Variants in MYH10 observed in about 807,000 individuals in gnomAD.
MYH10 encodes the protein myosin heavy chain 10, also known as myosin-10.
Under a neutral mutation model 257.8 loss-of-function variants are expected in MYH10, and 55 were observed. The observed-to-expected ratio is 0.21, with a 90% CI of 0.17 to 0.27. The LOEUF is 0.27. Ranked by LOEUF, MYH10 falls within the 10% of genes least tolerant of loss-of-function variation. MYH10 has a pLI of 1.00. For synonymous variants in MYH10, 854 were observed against 921.7 expected (o/e 0.93, Z 1.33); for missense variants, 1,631 against 2,500.6 (o/e 0.65, Z 7.42).
At chr17:8,594,936 G>A (rs1209745657) in intron 3 of MYH10, among the ~76,000 whole-genome samples, 1 of 152,192 alleles carries the variant, frequency 6.6e-6, no homozygotes, top group African/African-American at 2.4e-5. Context: ...ATCCACAGTT[G>A]GTTGAATCTG....
Position 8,569,121 on chromosome 17 carries a change from C to A in MYH10, c.756+599G>T, listed in dbSNP as rs1433142751. ...CCTGTAGTCCCGGCTCCTTGGGAGA[C>A]TGAGGAAGGAGGATGCCTTGAGACC... is the stretch of plus-strand genomic sequence containing the variant. On this transcript the variant is annotated intron_variant, in intron 7 of 42. Coordinates refer to ENST00000360416, the MANE Select transcript of MYH10 (RefSeq NM_001256012.3). This position sits in a 1 kb window ranked among gnomAD's most constrained non-coding sequence, Gnocchi z 4.1. Among the ~76,000 whole-genome samples the A allele has an allele frequency of 6.6e-6, 1 of 151,528 alleles. No homozygotes were observed. Among genetic ancestry groups the A allele is most frequent in the East Asian group, 2.0e-4 (1 of 5,116 alleles).
chr17:8,574,224 T>G (rs1373676016), intron 6 of MYH10, among the ~76,000 whole-genome samples: 1 of 152,242 alleles, frequency 6.6e-6, no homozygotes, highest in Non-Finnish European at 1.5e-5. Flanking sequence ...AGTACTTATA[T>G]GTGCTAGAAT....
chr17:8,612,331 T>C (rs1215155431), intron 2 of MYH10, among the ~76,000 whole-genome samples: 2 of 152,194 alleles, frequency 1.3e-5, no homozygotes, highest in African/African-American at 4.8e-5. Flanking sequence ...TAAAATCATA[T>C]GCTGAGGCTG....
chr17:8,586,857 G>A (rs1051326775), intron 4 of MYH10, among the ~76,000 whole-genome samples: 11 of 152,154 alleles, frequency 7.2e-5, no homozygotes, highest in African/African-American at 2.7e-4. Flanking sequence ...GAAGGTACAA[G>A]TCTCCACCTG....
rs1440660628 is a variant in MYH10, at chr17:8,480,414, C to G, written c.5376G>C (p.Lys1792Asn). ...CTGCATGGGCCACCTGTAGAGTGGT[C>G]TTGCGGAAGCGGTCGTTGAGCAGCT... is the stretch of plus-strand genomic sequence containing the variant. Reference protein sequence around the residue: ...NMELLNDRFRKTTLQVDTLNA... With the variant: ...NMELLNDRFRNTTLQVDTLNA... Residue 1792 changes from lysine to asparagine, a missense_variant, in exon 39 of 43, where the codon AAG (lysine) becomes AAC (asparagine). Coordinates refer to ENST00000360416, the MANE Select transcript of MYH10 (RefSeq NM_001256012.3). 6.2e-7 allele frequency: 1 copy of G among 1,613,458 alleles called. No individual in the cohort carries two copies. Among genetic ancestry groups the G allele is most frequent in the Non-Finnish European group, 8.5e-7 (1 of 1,180,010 alleles).
In MYH10 at chr17:8,478,466, AGTT is replaced by A. The variant is rs766317152; in HGVS notation, c.5598-23_5598-21del. The A allele has an allele frequency of 3.0e-5, 49 of 1,606,822 alleles. No homozygotes were observed. The highest frequency in any genetic ancestry group is 4.0e-5 in the African/African-American group (3 of 74,716). On this transcript the variant is annotated intron_variant, in intron 40 of 42. Coordinates refer to ENST00000360416, the MANE Select transcript of MYH10 (RefSeq NM_001256012.3). ...CGTTCCCTGTGAAAGTGGTCACAGT[AGTT>A]TTGAAATTCTTGAAATGGTATTTTG... is the stretch of plus-strand genomic sequence containing the variant.
At chr17:8,503,053 CG>C (rs1162682322) in intron 28 of MYH10, among the ~76,000 whole-genome samples, 1 of 152,192 alleles carries the variant, frequency 6.6e-6, no homozygotes, top group African/African-American at 2.4e-5. Flanking sequence ...GAGGCCAAGG[CG>C]GGCGGATCAC....
At chr17:8,570,389 C>T (rs1007804043) in intron 6 of MYH10, among the ~76,000 whole-genome samples, 1 of 152,210 alleles carries the variant, frequency 6.6e-6, no homozygotes, top group South Asian at 2.1e-4. Flanking sequence ...AGAGAGGATT[C>T]GGTAAAATGT....
In MYH10 at chr17:8,548,428, A is replaced by C; in HGVS notation, c.1064-20T>G. 1.5e-6 allele frequency: 2 copies of C among 1,326,354 alleles called. No homozygotes were observed. Among genetic ancestry groups the C allele is most frequent in the Non-Finnish European group, 2.0e-6 (2 of 1,018,060 alleles). The allele number at this position is 1,326,354 out of a possible 1,614,324, so 82.2% of individuals were successfully genotyped here. ...GCATTGCTTCATATTGATAAAAAGA[A>C]AAAAAAAATTAATATTGCCTCAAAA... On this transcript the variant is annotated intron_variant, in intron 10 of 42. Transcript: ENST00000360416.
chr17:8,545,011 T>C lies in MYH10; in HGVS notation c.1431+437A>G, dbSNP rs1384925162. Among the ~76,000 whole-genome samples the C allele has an allele frequency of 6.6e-6, 1 of 152,220 alleles. No individual in the cohort carries two copies. Among genetic ancestry groups the C allele is most frequent in the Admixed American group, 6.5e-5 (1 of 15,274 alleles). ...TTGATGGTCTCTCGACCTGGCCCCA[T>C]GCTCTTCTCCACGTCTCCAACTCCT... On this transcript the variant is annotated intron_variant, in intron 13 of 42. Transcript: ENST00000360416. The surrounding 1 kb of genome is among the most constrained non-coding windows in gnomAD (Gnocchi z 4.7).
intron 37 of MYH10, 115 bp downstream of exon 37, chr17:8,484,023 C>A: frequency 9.8e-7 from 1 of 1,022,268 alleles, no homozygotes; most frequent in South Asian, 2.0e-5. Context: ...AAATAAAAAA[C>A]AAAAATGTAT....
chr17:8,568,996 C>G (rs2083249784), intron 7 of MYH10, among the ~76,000 whole-genome samples: 1 of 150,124 alleles, frequency 6.7e-6, no homozygotes, highest in South Asian at 2.1e-4. Flanking sequence ...CAGCGATCCT[C>G]TTGCCTCAGC....
chr17:8,549,742 A>C (rs1326918440), intron 9 of MYH10, among the ~76,000 whole-genome samples: 5 of 151,980 alleles, frequency 3.3e-5, no homozygotes, highest in Non-Finnish European at 7.4e-5. Flanking sequence ...TCTCCCTCTC[A>C]TGCTGAGCCG....
chr17:8,500,526 G>T (rs930370801), intron 29 of MYH10, among the ~76,000 whole-genome samples: 4 of 152,200 alleles, frequency 2.6e-5, no homozygotes, highest in African/African-American at 9.7e-5. Context: ...CAAACCATTC[G>T]GGGTTTTGAG....
chr17:8,495,228 T>A lies in MYH10; in HGVS notation c.3965A>T (p.Asn1322Ile). ...TGCTTCTTCCAGAAGGGTGGAGACA[T>A]TATCTAGCTCATTCTGTAAGGAGCA... Reference protein sequence around the residue: ...KASKLQNELDNVSTLLEEAEK... With the variant: ...KASKLQNELDIVSTLLEEAEK... The change falls in exon 31 of 43, where the codon AAT becomes ATT. Residue 1322 changes from asparagine to isoleucine, a missense_variant. This residue lies in a region of MYH10 where 463 missense variants were observed against 621.8 expected (regional missense o/e 0.74). Coordinates refer to ENST00000360416, the MANE Select transcript of MYH10 (RefSeq NM_001256012.3). The A allele has an allele frequency of 6.2e-7, 1 of 1,607,358 alleles. No homozygotes were observed. The highest frequency in any genetic ancestry group is 1.3e-5 in the African/African-American group (1 of 74,882).
Position 8,504,592 on chromosome 17 carries a change from G to T in MYH10, c.3599+102C>A. On this transcript the variant is annotated intron_variant, in intron 28 of 42. Transcript: ENST00000360416. The surrounding 1 kb of genome is among the most constrained non-coding windows in gnomAD (Gnocchi z 5.6). ...GTTCCACCTGCCATCACAAGGAAAAGCACACCACCTCCCAAAGATAGCAAG... is the reference window on the plus strand; with the variant it reads ...GTTCCACCTGCCATCACAAGGAAAATCACACCACCTCCCAAAGATAGCAAG... 9.8e-7 allele frequency: 1 copy of T among 1,022,276 alleles called. No individual in the cohort carries two copies. Among genetic ancestry groups the T allele is most frequent in the Non-Finnish European group, 1.5e-6 (1 of 686,320 alleles). The allele number at this position is 1,022,276 out of a possible 1,614,324, so 63.3% of individuals were successfully genotyped here.
chr17:8,627,169 G>A (rs2085715811), intron 1 of MYH10, among the ~76,000 whole-genome samples: 1 of 151,824 alleles, frequency 6.6e-6, no homozygotes, highest in Admixed American at 6.6e-5. Flanking sequence ...AATATTCATT[G>A]GGTCTTTACT....
At chr17:8,589,187 G>T in intron 3 of MYH10, 79 bp from the exon 4 acceptor site, 2 of 1,441,938 alleles carry the variant, frequency 1.4e-6, no homozygotes, top group Non-Finnish European at 1.9e-6. Flanking sequence ...TAATAAAGTT[G>T]CAGTAATAGC....
chr17:8,478,315 C>T (rs746126169), intron 41 of MYH10, 23 bp downstream of exon 41: 2 of 1,602,088 alleles, frequency 1.2e-6, no homozygotes, highest in Non-Finnish European at 1.7e-6. Context: ...ACGCGCTTCC[C>T]AGGGAGGCAC....
Sources: gnomAD v4.1 joint callset for allele counts (sites outside exome capture counted in the v4.1 genomes callset) on GRCh38, gnomAD v4.1.1 for gene constraint, gnomAD v4.1.1 regional missense constraint, Gnocchi (gnomAD v3.1) non-coding constraint, MANE v1.5 for transcripts, NCBI Gene and HGNC (gene_info 2026-07-23, HGNC 2026-07-21) for gene names.